Variants in ATP2C1 observed in about 807,000 individuals in gnomAD.
ATP2C1 encodes the protein calcium-transporting ATPase type 2C member 1.
In ATP2C1, 31 loss-of-function variants were observed where a neutral mutation model predicts 120.5. The observed-to-expected ratio is 0.26, with a 90% CI of 0.19 to 0.35. ATP2C1 has a LOEUF of 0.35. ATP2C1 is among the 10% of genes least tolerant of loss of function. The pLI, the probability that ATP2C1 is intolerant of heterozygous loss-of-function variation, is 1.00. For missense variants in ATP2C1, 731 were observed against 1,107.5 expected (o/e 0.66, Z 4.83); for synonymous variants, 351 against 358.7 (o/e 0.98, Z 0.24).
intron 8 of ATP2C1, among the ~76,000 whole-genome samples, chr3:130,944,883 A>T (rs2060074673): frequency 6.6e-6 from 1 of 152,208 alleles, no homozygotes; most frequent in Admixed American, 6.5e-5. Context: ...AGTAGTATTT[A>T]TATATAACCT....
At chr3:130,883,608 C>T (rs991335171) in intron 1 of ATP2C1, among the ~76,000 whole-genome samples, 25 of 151,972 alleles carry the variant, frequency 1.6e-4, no homozygotes, top group Admixed American at 1.0e-3. Flanking sequence ...CCTGCCACGA[C>T]GCCCAGCTAA....
intron 5 of ATP2C1, among the ~76,000 whole-genome samples, chr3:130,935,667 T>C (rs888644242): frequency 2.0e-5 from 3 of 152,214 alleles, no homozygotes; most frequent in Non-Finnish European, 2.9e-5. Context: ...TTGGCATTAA[T>C]GGCACAAAAA....
chr3:130,942,862 T>A (rs2059981756), intron 8 of ATP2C1, among the ~76,000 whole-genome samples: 1 of 152,220 alleles, frequency 6.6e-6, no homozygotes, highest in African/African-American at 2.4e-5. Flanking sequence ...AGTAGTCTTG[T>A]CACTTGGCAT....
chr3:130,974,354 T>C (rs1559997530), intron 17 of ATP2C1, among the ~76,000 whole-genome samples: 1 of 152,226 alleles, frequency 6.6e-6, no homozygotes, highest in Non-Finnish European at 1.5e-5. Context: ...TGCAGGCAGA[T>C]GGAAGCTCCA....
intron 2 of ATP2C1, among the ~76,000 whole-genome samples, chr3:130,915,045 A>T (rs2108173603): frequency 6.6e-6 from 1 of 152,008 alleles, no homozygotes; most frequent in South Asian, 2.1e-4. Context: ...AAGATTGGGA[A>T]AGAAAAGAGT....
chr3:130,865,271 A>G lies in ATP2C1; in HGVS notation c.108+14343A>G, dbSNP rs1230573949. 3.3e-5 allele frequency among the ~76,000 whole-genome samples: 5 copies of G among 152,284 alleles called. No individual in the cohort carries two copies. In the East Asian group the frequency reaches 9.6e-4, roughly 29 times the overall value. On this transcript the variant is annotated intron_variant, in intron 1 of 26. Transcript: ENST00000504381. ...GTTTTGGCCAATTTCTTCCATTTGG[A>G]ATGGCCACATTTACCCAATACCTGT...
At chr3:130,938,821 A>G (rs1243221696) in intron 6 of ATP2C1, among the ~76,000 whole-genome samples, 1 of 152,238 alleles carries the variant, frequency 6.6e-6, no homozygotes. Context: ...GATTCCTGCA[A>G]ATAGTATCAC....
chr3:131,011,858 CTA>C (rs1486841597), intron 26 of ATP2C1, among the ~76,000 whole-genome samples: 2 of 152,196 alleles, frequency 1.3e-5, no homozygotes, highest in African/African-American at 4.8e-5. Flanking sequence ...GGTTCAGGTG[CTA>C]TGTCATCATT....
At chr3:130,853,997 T>C (rs1014846141) in intron 1 of ATP2C1, among the ~76,000 whole-genome samples, 3 of 152,222 alleles carry the variant, frequency 2.0e-5, no homozygotes, top group African/African-American at 7.2e-5. Context: ...ATATGCTTTA[T>C]TGTTTAAAAC....
At position 130,902,284 on chromosome 3, in the gene ATP2C1, G is replaced by GTTTTTTTT. The variant is rs1157956407; in HGVS notation, c.6+7514_6+7521dup. On this transcript the variant is annotated intron_variant, in intron 2 of 27. Transcript: ENST00000510168. ...TTAACTGCTAATTTCAAGGCTTCAC[G>GTTTTTTTT]TTTTTTTTTTTTGTTTTTTTTTTTT... Among the ~76,000 whole-genome samples the GTTTTTTTT allele has an allele frequency of 2.6e-4, 17 of 65,500 alleles. 3 individuals carry two copies. The highest frequency in any genetic ancestry group is 6.8e-4 in the African/African-American group (12 of 17,732). The allele number at this position is 65,500 out of a possible 152,430, so 43.0% of individuals were successfully genotyped here.
intron 23 of ATP2C1, among the ~76,000 whole-genome samples, chr3:130,996,470 T>C (rs535673385): frequency 5.3e-5 from 8 of 152,356 alleles, no homozygotes; most frequent in African/African-American, 1.9e-4. Flanking sequence ...TAAAAATTCT[T>C]TATTTGTTCC....
intron 12 of ATP2C1, 196 bp downstream of exon 12, chr3:130,959,537 A>G (rs1433189087): frequency 7.9e-6 from 3 of 378,770 alleles, no homozygotes; most frequent in Non-Finnish European, 1.5e-5. Flanking sequence ...GTAATGAAGA[A>G]AACCCATACT....
intron 12 of ATP2C1, chr3:130,963,210 A>G (rs1371058833): frequency 6.6e-6 from 1 of 152,052 alleles, no homozygotes; most frequent in Non-Finnish European, 1.5e-5. Context: ...GGAGTTAAGT[A>G]TGGTCGCAAT....
chr3:130,927,040 C>T (rs900307320), intron 2 of ATP2C1, among the ~76,000 whole-genome samples: 6 of 152,150 alleles, frequency 3.9e-5, no homozygotes, highest in African/African-American at 1.4e-4. Context: ...TTTTACCCTT[C>T]ACCTCTATTC....
At chr3:130,998,537 T>C (rs2062737074) in intron 26 of ATP2C1, 148 bp downstream of exon 26, 5 of 688,616 alleles carry the variant, frequency 7.3e-6, no homozygotes, top group African/African-American at 5.3e-5. Flanking sequence ...CTTATAAACA[T>C]GTGCCATTGG....
intron 1 of ATP2C1, among the ~76,000 whole-genome samples, chr3:130,884,994 C>T (rs183112196): frequency 2.1e-5 from 3 of 142,182 alleles, no homozygotes; most frequent in East Asian, 2.1e-4. Context: ...AGTACAATGG[C>T]GCGATTTTGG....
chr3:131,002,155 T>C lies in ATP2C1; in HGVS notation c.*805T>C. On this transcript the variant is annotated 3_prime_UTR_variant, in exon 28 of 28. Transcript: ENST00000510168. ...TTAAGACTGATTGGGTTGAAGTTTA[T>C]AATAAATTATATTAACATGTCTTCC... The C allele has an allele frequency of 1.0e-6, 1 of 979,428 alleles. No individual in the cohort carries two copies. The highest frequency in any genetic ancestry group is 1.7e-5 in the African/African-American group (1 of 57,202). The allele number at this position is 979,428 out of a possible 1,614,324, so 60.7% of individuals were successfully genotyped here.
At chr3:130,888,108 G>A (rs1360150333) in intron 1 of ATP2C1, among the ~76,000 whole-genome samples, 1 of 152,194 alleles carries the variant, frequency 6.6e-6, no homozygotes, top group African/African-American at 2.4e-5. Context: ...TTGGCCCATG[G>A]TGTGTCTAGA....
chr3:130,876,019 T>C (rs2107793932), intron 1 of ATP2C1, among the ~76,000 whole-genome samples: 1 of 152,194 alleles, frequency 6.6e-6, no homozygotes, highest in Admixed American at 6.5e-5. Flanking sequence ...GTTCCTTGTA[T>C]ATCCTGGATA....
Sources: allele counts gnomAD v4.1 joint callset (sites outside exome capture counted in the v4.1 genomes callset), GRCh38; gene constraint gnomAD v4.1.1; transcripts MANE v1.5; gene names NCBI Gene and HGNC (gene_info 2026-07-23, HGNC 2026-07-21).